The following CENPU variants were observed in gnomAD, a reference collection of about 807,000 sequenced individuals.
The protein encoded by CENPU is centromere protein U.
In CENPU, 46 loss-of-function variants were observed where a neutral mutation model predicts 56.7. That is an observed-to-expected ratio of 0.81 (90% CI 0.64 to 1.04). The LOEUF is 1.04. Among genes scored for constraint, CENPU ranks in the 50% least tolerant of loss-of-function variants. CENPU has a pLI of 0.00. For synonymous variants in CENPU, 166 were observed against 163.0 expected (o/e 1.02, Z -0.14); for missense variants, 510 against 490.1 (o/e 1.04, Z -0.38).
intron 8 of CENPU, among the ~76,000 whole-genome samples, chr4:184,705,134 A>G (rs1405580747): frequency 6.6e-6 from 1 of 152,230 alleles, no homozygotes; most frequent in Non-Finnish European, 1.5e-5. Flanking sequence ...AAATGTTTAC[A>G]GCACTGTGTG....
chr4:184,728,902 G>T lies in CENPU; in HGVS notation c.214+16C>A. On this transcript the variant is annotated intron_variant, in intron 3 of 12. Coordinates refer to ENST00000281453, the MANE Select transcript of CENPU (RefSeq NM_024629.4). ...TGCTTTAGAGTTATGTTAGGATAAA[G>T]ATTTAAAGTACTAACCAAAGGTCTC... The T allele has an allele frequency of 3.8e-6, 6 of 1,571,366 alleles. No homozygotes were observed. Among genetic ancestry groups the T allele is most frequent in the East Asian group, 2.2e-5 (1 of 44,630 alleles).
chr4:184,700,854 G>A lies in CENPU; in HGVS notation c.952C>T (p.Gln318Ter). ...TCATCCTGGACTTCAATCATACGCT[G>A]CCTTTTCTTTTCGATATCTGAAATC... is the stretch of plus-strand genomic sequence containing the variant. ...KMISDIEKKR[Q>*]RMIEVQDELL... Residue 318 changes from glutamine to a stop codon, truncating the protein, a stop_gained, in exon 11 of 13, where the codon CAG becomes TAG. Coordinates refer to ENST00000281453, the MANE Select transcript of CENPU (RefSeq NM_024629.4). LOFTEE classifies it high-confidence loss of function. 6.2e-7 allele frequency: 1 copy of A among 1,613,676 alleles called. No homozygotes were observed. Among genetic ancestry groups the A allele is most frequent in the Non-Finnish European group, 8.5e-7 (1 of 1,179,606 alleles).
chr4:184,734,086 G>A lies in CENPU; in HGVS notation c.-24C>T, dbSNP rs375898775. On this transcript the variant is annotated 5_prime_UTR_variant, in exon 1 of 13. Coordinates refer to ENST00000281453, the MANE Select transcript of CENPU (RefSeq NM_024629.4). ...ATGGTGCCGCTCTCCGCTCTCGAGC[G>A]ACTGGAAGCTCCCGCCAAGCCCCTC... 15 of 1,543,246 alleles carry A rather than the reference G, an allele frequency of 9.7e-6. No homozygotes were observed. The highest frequency in any genetic ancestry group is 3.5e-4 in the Middle Eastern group (2 of 5,698).
intron 4 of CENPU, 147 bp from the exon 5 acceptor site, chr4:184,717,343 G>T (rs1175235914): frequency 4.9e-6 from 3 of 618,316 alleles, no homozygotes; most frequent in South Asian, 2.1e-5. Flanking sequence ...ACCTTCCTGG[G>T]TTTACTGCTG....
intron 3 of CENPU, among the ~76,000 whole-genome samples, chr4:184,728,488 C>T (rs898754864): frequency 9.2e-5 from 14 of 152,186 alleles, no homozygotes; most frequent in Admixed American, 2.0e-4. Context: ...TTTTACCTCA[C>T]ACTCCAAGGA....
chr4:184,727,965 G>C (rs770706468), intron 3 of CENPU, among the ~76,000 whole-genome samples: 3 of 152,202 alleles, frequency 2.0e-5, no homozygotes, highest in Non-Finnish European at 2.9e-5. Flanking sequence ...GAGATTCATG[G>C]CTGCCAGGGG....
chr4:184,696,028 T>A (rs1370097893), intron 12 of CENPU, among the ~76,000 whole-genome samples: 1 of 148,408 alleles, frequency 6.7e-6, no homozygotes, highest in East Asian at 1.9e-4. Flanking sequence ...ATTAACAAAG[T>A]CAAACTTCCA....
intron 4 of CENPU, 146 bp downstream of exon 4, chr4:184,724,811 T>C (rs544510063): frequency 1.3e-5 from 7 of 545,960 alleles, no homozygotes; most frequent in African/African-American, 1.9e-5. Context: ...TAATAAAGTT[T>C]TTATGCCTCA....
intron 11 of CENPU, chr4:184,699,465 A>G (rs777665890): frequency 1.3e-6 from 1 of 748,036 alleles, no homozygotes; most frequent in Non-Finnish European, 2.0e-6. Context: ...ATGAGTTAGC[A>G]TAGGAAGCGT....
At chr4:184,732,236 G>A (rs1370974283) in intron 1 of CENPU, among the ~76,000 whole-genome samples, 2 of 127,318 alleles carry the variant, frequency 1.6e-5, no homozygotes, top group Non-Finnish European at 3.4e-5. Flanking sequence ...CATCATTACT[G>A]TGAATCACAG....
In CENPU at chr4:184,702,125, GCTTT is replaced by G. The variant is rs749721028; in HGVS notation, c.884_887del (p.Glu295AlafsTer4). 30 of 1,607,270 alleles carry G rather than the reference GCTTT, an allele frequency of 1.9e-5. No individual in the cohort carries two copies. The highest frequency in any genetic ancestry group is 6.6e-5 in the South Asian group (6 of 90,680). ...TCCTTTTCAGATTTGTCAACATCTG[GCTTT>G]CTTTAAGCTACACAAAACAAAAAAT... On this transcript the variant is annotated frameshift_variant, in exon 10 of 13. Transcript: ENST00000281453. LOFTEE classifies it high-confidence loss of function.
At chr4:184,700,315 CT>C (rs1445069713) in intron 11 of CENPU, among the ~76,000 whole-genome samples, 1 of 152,200 alleles carries the variant, frequency 6.6e-6, no homozygotes, top group African/African-American at 2.4e-5. Flanking sequence ...ATTGTCAACA[CT>C]TACACAGCAC....
chr4:184,721,007 C>A (rs1761255520), intron 4 of CENPU, among the ~76,000 whole-genome samples: 1 of 152,094 alleles, frequency 6.6e-6, no homozygotes, highest in African/African-American at 2.4e-5. Flanking sequence ...ATGTAAACTA[C>A]TCTCATTGTA....
In CENPU at chr4:184,715,926, G is replaced by GT. The variant is rs1561138076; in HGVS notation, c.618+470_618+471insA. On this transcript the variant is annotated intron_variant, in intron 6 of 12. Transcript: ENST00000281453. Reference sequence around the variant, plus strand: ...TTTATCTTCTTTTCCATACCTTCTAGCTTTTTTTTTGTTTTTTTTTTTTTA... The same window carrying GT: ...TTTATCTTCTTTTCCATACCTTCTAGTCTTTTTTTTTGTTTTTTTTTTTTTA... 8.3e-4 allele frequency among the ~76,000 whole-genome samples: 112 copies of GT among 135,548 alleles called. 2 individuals carry two copies. The East Asian group carries it at 9.4e-3, about 11-fold the overall frequency. The allele number at this position is 135,548 out of a possible 152,430, so 88.9% of individuals were successfully genotyped here. A position where few individuals can be genotyped will look rare whatever the true frequency, so the allele number is the denominator to read the frequency against.
In CENPU at chr4:184,717,229, C is replaced by T. The variant is rs780232204; in HGVS notation, c.321-33G>A. ...AAGTACAAGCCATCAATATCTTGTA[C>T]ACATTCCATTTATATTCACATGTCT... On this transcript the variant is annotated intron_variant, in intron 4 of 12. Transcript: ENST00000281453. 5 of 1,510,674 alleles carry T rather than the reference C, an allele frequency of 3.3e-6. No individual in the cohort carries two copies. In the Admixed American group the frequency reaches 8.6e-5, roughly 26 times the overall value. The allele number at this position is 1,510,674 out of a possible 1,614,324, so 93.6% of individuals were successfully genotyped here.
chr4:184,702,230 G>T, intron 9 of CENPU, 94 bp from the exon 10 acceptor site: 1 of 1,258,446 alleles, frequency 7.9e-7, no homozygotes. Flanking sequence ...AAACAGTTAT[G>T]TGGAATATGA....
chr4:184,733,282 C>G, intron 1 of CENPU: 1 of 983,876 alleles, frequency 1.0e-6, no homozygotes, highest in Non-Finnish European at 1.2e-6. Context: ...CACCCTAACC[C>G]CGCATCTACC....
chr4:184,697,505 G>A, intron 12 of CENPU, 142 bp downstream of exon 12: 1 of 773,222 alleles, frequency 1.3e-6, no homozygotes, highest in South Asian at 1.6e-5. Flanking sequence ...AAGTTTCACT[G>A]GCTTATAGTG....
chr4:184,702,221 AAC>A (rs1247418102), intron 9 of CENPU, 85 bp from the exon 10 acceptor site: 46 of 1,289,892 alleles, frequency 3.6e-5, no homozygotes, highest in East Asian at 2.3e-4. Context: ...TTAGTTTAAA[AAC>A]AGTTATGTGG....
Sources: allele counts gnomAD v4.1 joint callset (sites outside exome capture counted in the v4.1 genomes callset), GRCh38; gene constraint gnomAD v4.1.1; transcripts MANE v1.5; gene names NCBI Gene and HGNC (gene_info 2026-07-23, HGNC 2026-07-21).